BMP5: variants seen among roughly 807,000 people sequenced by gnomAD.
The protein encoded by BMP5 is bone morphogenetic protein 5.
Under a neutral mutation model 46.6 loss-of-function variants are expected in BMP5, and 23 were observed. That is an observed-to-expected ratio of 0.49 (90% CI 0.35 to 0.70). The LOEUF (loss-of-function observed/expected upper bound fraction) is 0.70, where lower values mean the gene tolerates loss of function less well. BMP5 is among the 30% of genes least tolerant of loss of function. The pLI, the probability that BMP5 is intolerant of heterozygous loss-of-function variation, is 0.00. For missense variants in BMP5, 545 were observed against 565.6 expected (o/e 0.96, Z 0.37); for synonymous variants, 204 against 191.9 (o/e 1.06, Z -0.52).
intron 3 of BMP5, among the ~76,000 whole-genome samples, chr6:55,780,803 C>T (rs1485436150): frequency 6.6e-6 from 1 of 151,982 alleles, no homozygotes; most frequent in Non-Finnish European, 1.5e-5. Flanking sequence ...GGCCTGAGGA[C>T]AGAGAAGCTG....
intron 5 of BMP5, 26 bp from the exon 6 acceptor site, chr6:55,759,141 ACAC>A (rs760824407): frequency 1.1e-3 from 334 of 299,614 alleles, no homozygotes; most frequent in South Asian, 2.3e-3. Flanking sequence ...ACACACACAC[ACAC>A]AAAAAAAAAA....
At chr6:55,780,824 A>G (rs987019884) in intron 3 of BMP5, among the ~76,000 whole-genome samples, 3 of 152,068 alleles carry the variant, frequency 2.0e-5, no homozygotes, top group African/African-American at 7.2e-5. Context: ...AGAACTGTAA[A>G]GCAGCATGGC....
At chr6:55,849,040 CAA>C (rs2127548665) in intron 1 of BMP5, among the ~76,000 whole-genome samples, 1 of 152,142 alleles carries the variant, frequency 6.6e-6, no homozygotes, top group African/African-American at 2.4e-5. Flanking sequence ...CACTTCTATG[CAA>C]AAGCAATTCA....
chr6:55,862,316 A>G (rs1777542398), intron 1 of BMP5, among the ~76,000 whole-genome samples: 1 of 152,186 alleles, frequency 6.6e-6, no homozygotes, highest in East Asian at 1.9e-4. Context: ...ACTTAAAGTA[A>G]TCATTGCCCA....
chr6:55,794,534 T>TA (rs1775659413), intron 2 of BMP5, 107 bp from the exon 3 acceptor site: 1 of 1,093,816 alleles, frequency 9.1e-7, no homozygotes, highest in Admixed American at 1.9e-5. Context: ...ATAACAGCAG[T>TA]TAGTTAAAGA....
intron 1 of BMP5, among the ~76,000 whole-genome samples, chr6:55,854,621 G>A (rs942738411): frequency 2.6e-5 from 4 of 152,054 alleles, no homozygotes; most frequent in African/African-American, 9.6e-5. Flanking sequence ...AGAGGAGCAA[G>A]GTATTGAAAT....
chr6:55,861,085 A>G (rs1777517815), intron 1 of BMP5, among the ~76,000 whole-genome samples: 1 of 152,222 alleles, frequency 6.6e-6, no homozygotes, highest in Admixed American at 6.5e-5. Flanking sequence ...TATCTAGAAC[A>G]CAGAGGAGTT....
chr6:55,819,823 T>C lies in BMP5; in HGVS notation c.515A>G (p.His172Arg). The C allele has an allele frequency of 6.2e-7, 1 of 1,613,780 alleles. No homozygotes were observed. The highest frequency in any genetic ancestry group is 1.3e-5 in the African/African-American group (1 of 75,006). Residue 172 changes from histidine (H) to arginine (R), a missense_variant, in exon 2 of 7, where the codon CAC becomes CGC. Physicochemically the swap from His to Arg is conservative, Grantham distance 29. Transcript: ENST00000370830. The part of the protein sequence containing the change: ...NLVERDKDFS[H>R]QRRHYKEFRF... Reference sequence around the variant, plus strand: ...AAATTCTTTGTAATGCCTTCGCTGGTGAGAAAAATCCTTGTCTCTTTCAAC... The same window carrying C: ...AAATTCTTTGTAATGCCTTCGCTGGCGAGAAAAATCCTTGTCTCTTTCAAC...
At chr6:55,811,052 G>A (rs2209102) in intron 2 of BMP5, among the ~76,000 whole-genome samples, 4,098 of 152,264 alleles carry the variant, frequency 0.027, 65 homozygotes, top group Middle Eastern at 0.058. Context: ...CTTGTGTACC[G>A]TTCTAGACAC....
At chr6:55,817,053 C>A (rs879574262) in intron 2 of BMP5, among the ~76,000 whole-genome samples, 11 of 152,038 alleles carry the variant, frequency 7.2e-5, no homozygotes, top group Non-Finnish European at 1.3e-4. Flanking sequence ...CAATGAGATA[C>A]CATCTCACAC....
chr6:55,781,115 C>A (rs947170176), intron 3 of BMP5, among the ~76,000 whole-genome samples: 3 of 152,102 alleles, frequency 2.0e-5, no homozygotes, highest in Non-Finnish European at 4.4e-5. Context: ...TAGCACCTTT[C>A]CCCTGAGGTC....
At chr6:55,779,366 C>T (rs1554180618) in intron 3 of BMP5, among the ~76,000 whole-genome samples, 1 of 152,008 alleles carries the variant, frequency 6.6e-6, no homozygotes, top group Non-Finnish European at 1.5e-5. Flanking sequence ...TCAAAAATGG[C>T]TCTTGCAGTA....
intron 1 of BMP5, among the ~76,000 whole-genome samples, chr6:55,821,233 GCTTTGC>G (rs1218202722): frequency 2.0e-5 from 3 of 152,090 alleles, no homozygotes; most frequent in Admixed American, 2.0e-4. Context: ...AACCCACAAT[GCTTTGC>G]CTTCATCCTC....
chr6:55,792,272 G>A (rs569089212), intron 3 of BMP5, among the ~76,000 whole-genome samples: 10 of 152,260 alleles, frequency 6.6e-5, no homozygotes, highest in Admixed American at 5.9e-4. Context: ...GGTGGCTCAC[G>A]CCTGTAATCC....
At chr6:55,850,546 A>G (rs2127549365) in intron 1 of BMP5, among the ~76,000 whole-genome samples, 1 of 152,230 alleles carries the variant, frequency 6.6e-6, no homozygotes, top group Non-Finnish European at 1.5e-5. Flanking sequence ...ACTTTATCCC[A>G]CAAAGTTCCT....
At chr6:55,792,555 A>G (rs1388565212) in intron 3 of BMP5, among the ~76,000 whole-genome samples, 1 of 148,424 alleles carries the variant, frequency 6.7e-6, no homozygotes, top group African/African-American at 2.5e-5. Context: ...AAAAAAAAAA[A>G]GATTTGAGAC....
chr6:55,833,403 T>C (rs1776710966), intron 1 of BMP5, among the ~76,000 whole-genome samples: 1 of 152,196 alleles, frequency 6.6e-6, no homozygotes, highest in Non-Finnish European at 1.5e-5. Context: ...CTATGCCACA[T>C]TGGTTTTAAC....
At chr6:55,855,977 G>A (rs981897449) in intron 1 of BMP5, among the ~76,000 whole-genome samples, 7 of 152,018 alleles carry the variant, frequency 4.6e-5, no homozygotes, top group African/African-American at 1.7e-4. Flanking sequence ...ATGCAGAATC[G>A]GTGATCACCA....
chr6:55,874,845 T>TA lies in BMP5; in HGVS notation c.20dup (p.Leu7PhefsTer3). The TA allele has an allele frequency of 6.2e-7, 1 of 1,612,744 alleles. No homozygotes were observed. The highest frequency in any genetic ancestry group is 8.5e-7 in the Non-Finnish European group (1 of 1,179,430). On this transcript the variant is annotated frameshift_variant, in exon 1 of 7. Transcript: ENST00000370830. LOFTEE classifies it high-confidence loss of function. ...AGAGGAAACCCACAATACCCTTAAG[T>TA]AAAAATACAGTCAGATGCATTTTTG...
Sources: gnomAD v4.1 joint callset for allele counts (sites outside exome capture counted in the v4.1 genomes callset) on GRCh38, gnomAD v4.1.1 for gene constraint, MANE v1.5 for transcripts, NCBI Gene and HGNC (gene_info 2026-07-23, HGNC 2026-07-21) for gene names.